The following TLN2 variants were observed in gnomAD, a reference collection of about 807,000 sequenced individuals.
TLN2 encodes talin-2.
Under a neutral mutation model 294.7 loss-of-function variants are expected in TLN2, and 118 were observed. That is an observed-to-expected ratio of 0.40 (90% CI 0.34 to 0.47). TLN2 has a LOEUF of 0.47. Among genes scored for constraint, TLN2 ranks in the 20% least tolerant of loss-of-function variants. TLN2 has a pLI of 0.84. For missense variants in TLN2, 3,083 were observed against 3,282.2 expected (o/e 0.94, Z 1.48); for synonymous variants, 1,431 against 1,304.5 (o/e 1.10, Z -2.09).
At chr15:62,607,412 C>A (rs1012172900) in intron 2 of TLN2, among the ~76,000 whole-genome samples, 1 of 152,090 alleles carries the variant, frequency 6.6e-6, no homozygotes, top group Non-Finnish European at 1.5e-5. Context: ...TATTCTGTTG[C>A]CTTTGGATTG....
chr15:62,442,677 T>G (rs1273623683), intron 1 of TLN2, among the ~76,000 whole-genome samples: 1 of 152,052 alleles, frequency 6.6e-6, no homozygotes, highest in Non-Finnish European at 1.5e-5. Context: ...AAATTTGTTT[T>G]TTCTTTCTCT....
chr15:62,717,637 C>T lies in TLN2; in HGVS notation c.2825C>T (p.Ala942Val), dbSNP rs984477115. The change falls in exon 24 of 59, where the codon GCT becomes GTT. Residue 942 changes from alanine (A) to valine (V), a missense_variant. Coordinates refer to ENST00000636159, the MANE Select transcript of TLN2 (RefSeq NM_015059.3). ...TQTIAASQNA[A>V]VSNKNPAAQQ... Reference sequence around the variant, plus strand: ...ACCATCGCCGCCTCCCAGAATGCAGCTGTTTCCAACAAGAACCCTGCGGCC... The same window carrying T: ...ACCATCGCCGCCTCCCAGAATGCAGTTGTTTCCAACAAGAACCCTGCGGCC... 6.2e-7 allele frequency: 1 copy of T among 1,605,764 alleles called. No individual in the cohort carries two copies. The highest frequency in any genetic ancestry group is 2.2e-5 in the East Asian group (1 of 44,536).
intron 1 of TLN2, among the ~76,000 whole-genome samples, chr15:62,543,372 T>C (rs1308136618): frequency 2.6e-5 from 4 of 152,208 alleles, no homozygotes; most frequent in Admixed American, 1.3e-4. Flanking sequence ...GCCGGAGATA[T>C]AATTATGTGC....
chr15:62,806,024 TA>T (rs1380240049), intron 51 of TLN2, among the ~76,000 whole-genome samples: 4 of 151,976 alleles, frequency 2.6e-5, no homozygotes, highest in African/African-American at 7.3e-5. Flanking sequence ...CCTCATCTCT[TA>T]AAAAAAATTT....
At chr15:62,739,577 C>T (rs369913001) in intron 31 of TLN2, 32 bp downstream of exon 31, 9 of 1,610,654 alleles carry the variant, frequency 5.6e-6, no homozygotes, top group Middle Eastern at 1.6e-4. Context: ...TGGAGTTGAC[C>T]TTAGCCTCTC....
At chr15:62,518,277 T>A (rs2040283025) in intron 1 of TLN2, among the ~76,000 whole-genome samples, 1 of 152,324 alleles carries the variant, frequency 6.6e-6, no homozygotes, top group African/African-American at 2.4e-5. Flanking sequence ...GACCTTGTGA[T>A]CTGCCTGCTT....
rs1420229913 is a variant in TLN2, at chr15:62,835,762, C to T, written c.7154C>T (p.Ala2385Val). 7 of 1,614,124 alleles carry T rather than the reference C, an allele frequency of 4.3e-6. No individual in the cohort carries two copies. The highest frequency in any genetic ancestry group is 1.1e-5 in the South Asian group (1 of 91,088). Residue 2385 changes from alanine (A) to valine (V), a missense_variant, in exon 56 of 59, where the codon GCA (alanine) becomes GTA (valine). Ala to Val is a moderately conservative substitution (Grantham distance 64, BLOSUM62 0). Coordinates refer to ENST00000636159, the MANE Select transcript of TLN2 (RefSeq NM_015059.3). Reference sequence around the variant, plus strand: ...GTGGGCTCCATCCCTGCCAATGCTGCAGACGACGGACAGTGGTCACAGGGG... The same window carrying T: ...GTGGGCTCCATCCCTGCCAATGCTGTAGACGACGGACAGTGGTCACAGGGG... ...GKVGSIPANA[A>V]DDGQWSQGLI...
At chr15:62,410,025 C>T (rs2439718) in intron 1 of TLN2, among the ~76,000 whole-genome samples, 37,787 of 152,064 alleles carry the variant, frequency 0.25, 5,578 homozygotes, top group East Asian at 0.6. Flanking sequence ...GGGTGGATCA[C>T]GAGGTCAGGA....
intron 27 of TLN2, among the ~76,000 whole-genome samples, chr15:62,726,361 G>A (rs1430374278): frequency 6.6e-6 from 1 of 152,076 alleles, no homozygotes; most frequent in African/African-American, 2.4e-5. Context: ...ATGCCTTTTT[G>A]TACTCTCGCA....
intron 2 of TLN2, among the ~76,000 whole-genome samples, chr15:62,593,240 T>C (rs2046224442): frequency 6.6e-6 from 1 of 152,182 alleles, no homozygotes; most frequent in African/African-American, 2.4e-5. Flanking sequence ...AGCTGATTCT[T>C]TGGATTATGC....
chr15:62,585,102 A>T (rs2045480226), intron 1 of TLN2, among the ~76,000 whole-genome samples: 1 of 152,178 alleles, frequency 6.6e-6, no homozygotes, highest in South Asian at 2.1e-4. Flanking sequence ...TCTTGGCTGC[A>T]TGGGATCTAA....
At chr15:62,681,552 G>A (rs143067005) in intron 11 of TLN2, among the ~76,000 whole-genome samples, 5 of 152,128 alleles carry the variant, frequency 3.3e-5, no homozygotes, top group East Asian at 1.9e-4. Context: ...GTAATAGAGC[G>A]TGCTTGCATG....
chr15:62,417,130 C>T (rs886289668), intron 1 of TLN2, among the ~76,000 whole-genome samples: 18 of 152,276 alleles, frequency 1.2e-4, no homozygotes, highest in Admixed American at 9.2e-4. Flanking sequence ...GTCACCTCCT[C>T]CTCCCCAAGG....
rs779782014 is a variant in TLN2 at position 62,702,873 on chromosome 15, T to C, written c.2004+9T>C. The C allele has an allele frequency of 5.6e-6, 9 of 1,612,718 alleles. No homozygotes were observed. Among genetic ancestry groups the C allele is most frequent in the African/African-American group, 1.3e-5 (1 of 74,892 alleles). ...CTGATGAGCGATTCCAGGTAAGATA[T>C]TTGCAGGCTTATAGTCATGGAAAGA... On this transcript the variant is annotated intron_variant, in intron 19 of 58. Transcript: ENST00000636159.
rs182877631 is a variant in TLN2 at position 62,640,688 on chromosome 15, G to A, written c.-36-6587G>A. On this transcript the variant is annotated intron_variant, in intron 3 of 58. Coordinates refer to ENST00000636159, the MANE Select transcript of TLN2 (RefSeq NM_015059.3). ...AGGTGCTATAGGAGTTAGCTGCTTC[G>A]CACACACACTCAGCCTCACAGCTCA... is the stretch of plus-strand genomic sequence containing the variant. Among the ~76,000 whole-genome samples, 70 of 152,246 alleles carry A rather than the reference G, an allele frequency of 4.6e-4. No individual in the cohort carries two copies. In the East Asian group the frequency reaches 0.01, roughly 23 times the overall value.
At chr15:62,741,058 A>AT (rs535177716) in intron 32 of TLN2, among the ~76,000 whole-genome samples, 11 of 152,220 alleles carry the variant, frequency 7.2e-5, no homozygotes, top group African/African-American at 2.6e-4. Flanking sequence ...AATTAAACAG[A>AT]TTTTTTTTAA....
intron 1 of TLN2, among the ~76,000 whole-genome samples, chr15:62,587,549 T>C (rs34920603): frequency 0.16 from 24,502 of 152,218 alleles, 2,441 homozygotes; most frequent in East Asian, 0.38. Context: ...ACCTCCAACA[T>C]TGTTTTCAAT....
At chr15:62,598,634 A>G (rs1004667144) in intron 2 of TLN2, among the ~76,000 whole-genome samples, 2 of 151,952 alleles carry the variant, frequency 1.3e-5, no homozygotes, top group Admixed American at 1.3e-4. Context: ...TGTGTAAGTC[A>G]AGTACATTTG....
At chr15:62,499,823 G>A (rs961502213) in intron 1 of TLN2, among the ~76,000 whole-genome samples, 5 of 151,924 alleles carry the variant, frequency 3.3e-5, no homozygotes, top group Admixed American at 2.0e-4. Flanking sequence ...GGCTAGTCTC[G>A]AACTCCCGAC....
Sources: gnomAD v4.1 joint callset for allele counts (sites outside exome capture counted in the v4.1 genomes callset) on GRCh38, gnomAD v4.1.1 for gene constraint, MANE v1.5 for transcripts, NCBI Gene and HGNC (gene_info 2026-07-23, HGNC 2026-07-21) for gene names.